ZFHX3: variants seen among roughly 807,000 people sequenced by gnomAD.
ZFHX3 encodes zinc finger homeobox 3.
A neutral mutation model predicts 279.1 loss-of-function variants in ZFHX3; 42 were observed. That is an observed-to-expected ratio of 0.15 (90% CI 0.12 to 0.19). The LOEUF is 0.19. Ranked by LOEUF, ZFHX3 falls within the 10% of genes least tolerant of loss-of-function variation. ZFHX3 has a pLI of 1.00. For missense variants in ZFHX3, 4,981 were observed against 4,754.0 expected, an observed-to-expected ratio of 1.05 and a Z score of -1.40; for synonymous variants, 2,293 against 1,957.8, an observed-to-expected ratio of 1.17 and a Z score of -4.52.
At chr16:73,322,101 T>C (rs1307832066) in intron 3 of ZFHX3, among the ~76,000 whole-genome samples, 1 of 152,166 alleles carries the variant, frequency 6.6e-6, no homozygotes, top group African/African-American at 2.4e-5. Flanking sequence ...CTCAGTAAGC[T>C]GGCAACAGTA....
intron 7 of ZFHX3, among the ~76,000 whole-genome samples, chr16:73,099,624 T>G (rs886805576): frequency 6.8e-6 from 1 of 146,704 alleles, no homozygotes; most frequent in African/African-American, 2.5e-5. Flanking sequence ...GGCAGGAGAA[T>G]AGCTTGAACC....
intron 5 of ZFHX3, chr16:73,233,154 G>A (rs1447297406): frequency 2.7e-5 from 4 of 149,658 alleles, no homozygotes; most frequent in African/African-American, 9.9e-5. Flanking sequence ...TCTGCAGCTC[G>A]GAGAAAACAC....
intron 2 of ZFHX3, among the ~76,000 whole-genome samples, chr16:73,622,891 C>A (rs80021129): frequency 6.6e-6 from 1 of 152,210 alleles, no homozygotes; most frequent in Non-Finnish European, 1.5e-5. Context: ...CGCTACCTAG[C>A]AGACATATTT....
At chr16:73,130,890 G>A (rs1713099386) in intron 7 of ZFHX3, 2 of 1,203,444 alleles carry the variant, frequency 1.7e-6, no homozygotes, top group Non-Finnish European at 2.2e-6. Flanking sequence ...TCACAGGGGT[G>A]AGCCAACACG....
intron 5 of ZFHX3, among the ~76,000 whole-genome samples, chr16:73,209,131 C>A (rs72797323): frequency 2.6e-5 from 4 of 151,916 alleles, no homozygotes; most frequent in Admixed American, 2.0e-4. Flanking sequence ...TTTTTGTTTG[C>A]GTGAGTTATA....
intron 1 of ZFHX3, among the ~76,000 whole-genome samples, chr16:73,045,708 A>C (rs537049243): frequency 2.1e-4 from 31 of 147,572 alleles, no homozygotes; most frequent in Non-Finnish European, 4.2e-4. Context: ...AGTGTTTCTC[A>C]ATAGTTCCCT....
intron 3 of ZFHX3, among the ~76,000 whole-genome samples, chr16:72,921,447 G>T (rs1432964424): frequency 6.6e-6 from 1 of 152,238 alleles, no homozygotes; most frequent in Admixed American, 6.5e-5. Context: ...GGAAGACGGC[G>T]CAATGCAAAA....
intron 1 of ZFHX3, among the ~76,000 whole-genome samples, chr16:73,804,034 G>T (rs1324350247): frequency 6.6e-6 from 1 of 152,146 alleles, no homozygotes; most frequent in Non-Finnish European, 1.5e-5. Context: ...GCACACATCT[G>T]TAGCCCTAGC....
Position 73,284,610 on chromosome 16 carries a change from C to T in ZFHX3, c.-1193-27474G>A, listed in dbSNP as rs558762023. 9.2e-5 allele frequency among the ~76,000 whole-genome samples: 14 copies of T among 152,148 alleles called. No homozygotes were observed. The South Asian group carries it at 1.9e-3, about 20-fold the overall frequency. ...CTTTATAAACTGCTTTTTGCTCTTA[C>T]GAGAATATCATGAAAACTTTTATAA... On this transcript the variant is annotated intron_variant, in intron 4 of 17. Transcript: ENST00000641206.
In ZFHX3 at chr16:73,240,053, A is replaced by G. The variant is rs112799634; in HGVS notation, c.-1104+16994T>C. On this transcript the variant is annotated intron_variant, in intron 5 of 17. Coordinates refer to the ZFHX3 transcript ENST00000641206. ...TGTGTGTGTGTGTGTGTGTGTGTGTATATCTATACATATAGTTACTTAACA... is the reference window on the plus strand; with the variant it reads ...TGTGTGTGTGTGTGTGTGTGTGTGTGTATCTATACATATAGTTACTTAACA... 8.3e-4 allele frequency among the ~76,000 whole-genome samples: 121 copies of G among 146,254 alleles called. 1 individual carries two copies. The highest frequency in any genetic ancestry group is 1.5e-3 in the African/African-American group (62 of 40,156).
At chr16:73,515,501 A>G (rs1197008518) in intron 2 of ZFHX3, among the ~76,000 whole-genome samples, 5 of 151,142 alleles carry the variant, frequency 3.3e-5, no homozygotes, top group African/African-American at 9.7e-5. Context: ...GAGAGGAGAG[A>G]GAGAAAGAGA....
At chr16:73,361,388 G>C (rs1277296059) in intron 3 of ZFHX3, among the ~76,000 whole-genome samples, 1 of 152,270 alleles carries the variant, frequency 6.6e-6, no homozygotes, top group Non-Finnish European at 1.5e-5. Context: ...AGCGATGAGA[G>C]AGAAAACGTG....
intron 2 of ZFHX3, among the ~76,000 whole-genome samples, chr16:73,494,503 G>A (rs2019104867): frequency 6.6e-6 from 1 of 152,102 alleles, no homozygotes; most frequent in Non-Finnish European, 1.5e-5. Context: ...CTAATCATTA[G>A]TATTATAATC....
At chr16:73,819,184 C>T (rs561717567) in intron 1 of ZFHX3, among the ~76,000 whole-genome samples, 38 of 151,930 alleles carry the variant, frequency 2.5e-4, no homozygotes, top group African/African-American at 9.2e-4. Flanking sequence ...GAAAGTATCT[C>T]CCAATGGCAA....
At chr16:73,115,795 A>G (rs1281870223) in intron 7 of ZFHX3, among the ~76,000 whole-genome samples, 1 of 152,166 alleles carries the variant, frequency 6.6e-6, no homozygotes, top group African/African-American at 2.4e-5. Flanking sequence ...TGATGGAGCC[A>G]CTAATCAAGT....
intron 1 of ZFHX3, among the ~76,000 whole-genome samples, chr16:73,045,650 ATTATTATT>A (rs949575128): frequency 5.3e-5 from 6 of 112,652 alleles, no homozygotes; most frequent in African/African-American, 3.7e-4. Context: ...CATTATTATT[ATTATTATT>A]ATTATTATTA....
At chr16:73,546,671 T>TGCTGC (rs2020113754) in intron 2 of ZFHX3, among the ~76,000 whole-genome samples, 5 of 143,412 alleles carry the variant, frequency 3.5e-5, no homozygotes, top group African/African-American at 7.7e-5. Context: ...GGTGCTGCTG[T>TGCTGC]TGCTGCTGCT....
intron 2 of ZFHX3, among the ~76,000 whole-genome samples, chr16:73,472,307 A>T (rs1306569303): frequency 6.6e-6 from 1 of 151,970 alleles, no homozygotes; most frequent in Non-Finnish European, 1.5e-5. Context: ...TAAAGTCCCA[A>T]AGACATAGCT....
In ZFHX3 at chr16:72,959,234, G is replaced by A. The variant is rs1013689335; in HGVS notation, c.912C>T (p.Asp304=). ...CGTCTTCGCTCAGGGTCATTCGATG[G>A]TCATGCACCGCGTGGGTCACAAACG... ...VRSFVTHAVH[D]HRMTLSEDER... is the part of the protein sequence containing the mutation. The change falls in exon 2 of 10, where the codon GAC becomes GAT. Residue 304 remains aspartate (D), a synonymous_variant. Transcript: ENST00000268489. The A allele has an allele frequency of 2.4e-5, 38 of 1,614,084 alleles. No homozygotes were observed. Among genetic ancestry groups the A allele is most frequent in the African/African-American group, 4.0e-5 (3 of 74,922 alleles).
Sources: allele counts gnomAD v4.1 joint callset (sites outside exome capture counted in the v4.1 genomes callset), GRCh38; gene constraint gnomAD v4.1.1; transcripts MANE v1.5; gene names NCBI Gene and HGNC (gene_info 2026-07-23, HGNC 2026-07-21).